Variants in SPMIP11 observed in about 807,000 individuals in gnomAD.
The protein encoded by SPMIP11 is sperm microtubule inner protein 11.
chr12:48,768,767 T>G, the SPMIP11 span: 1 of 1,600,830 alleles, frequency 6.2e-7, no homozygotes, highest in East Asian at 2.2e-5. Flanking sequence ...TCCTGCTGCA[T>G]TTGCAGGGGC....
the SPMIP11 span, among the ~76,000 whole-genome samples, chr12:48,753,224 G>C: frequency 6.6e-6 from 1 of 152,096 alleles, no homozygotes; most frequent in Non-Finnish European, 1.5e-5. Context: ...GCCTGTTCTT[G>C]TCTTGAGACA....
At chr12:48,760,778 C>T in the SPMIP11 span, among the ~76,000 whole-genome samples, 1 of 152,042 alleles carries the variant, frequency 6.6e-6, no homozygotes, top group Non-Finnish European at 1.5e-5. Context: ...CCATCTCCCT[C>T]GGCCTCCCAA....
chr12:48,741,005 GAGC>G, the SPMIP11 span, among the ~76,000 whole-genome samples: 1 of 151,576 alleles, frequency 6.6e-6, no homozygotes, highest in Non-Finnish European at 1.5e-5. Flanking sequence ...TGCATTTAGT[GAGC>G]GTGTCTCTTT....
At chr12:48,770,004 G>A in the SPMIP11 span, among the ~76,000 whole-genome samples, 1 of 150,840 alleles carries the variant, frequency 6.6e-6, no homozygotes, top group East Asian at 1.9e-4. Context: ...CTCGTGATCC[G>A]CCTGCCTCGG....
the SPMIP11 span, among the ~76,000 whole-genome samples, chr12:48,749,073 C>T: frequency 5.9e-5 from 9 of 151,874 alleles, no homozygotes; most frequent in East Asian, 1.8e-3. Context: ...ACCAACCTGA[C>T]CAACATGGTG....
chr12:48,762,499 C>T, the SPMIP11 span, among the ~76,000 whole-genome samples: 14 of 149,884 alleles, frequency 9.3e-5, no homozygotes. Context: ...TCCTAAGTAG[C>T]TGGGATTACA....
At chr12:48,768,797 G>A in the SPMIP11 span, 35 of 1,569,950 alleles carry the variant, frequency 2.2e-5, no homozygotes, top group Non-Finnish European at 3.0e-5. Context: ...CTCTAGTCAG[G>A]CTAGCTCCCT....
the SPMIP11 span, among the ~76,000 whole-genome samples, chr12:48,753,681 CTTTTTTTTTTCTTTTTTT>C: frequency 8.3e-6 from 1 of 120,892 alleles, no homozygotes; most frequent in Non-Finnish European, 1.7e-5. Flanking sequence ...CTTTTCTTTA[CTTTTTTTTTTCTTTTTTT>C]TTTTTTTTTT....
chr12:48,739,102 C>T, the SPMIP11 span, among the ~76,000 whole-genome samples: 1 of 152,016 alleles, frequency 6.6e-6, no homozygotes, highest in Non-Finnish European at 1.5e-5. Flanking sequence ...TGCATTGACT[C>T]TTTTTCCCTC....
At chr12:48,764,837 C>T in the SPMIP11 span, 6 of 702,468 alleles carry the variant, frequency 8.5e-6, no homozygotes, top group South Asian at 4.4e-5. Context: ...CTGCCCTTCC[C>T]CCCACCCATT....
chr12:48,763,681 CT>C, the SPMIP11 span, among the ~76,000 whole-genome samples: 4,819 of 137,330 alleles, frequency 0.035, 108 homozygotes, highest in African/African-American at 0.086. Context: ...AGTAAAAGTA[CT>C]TTTTTTTTTT....
chr12:48,741,886 G>A, the SPMIP11 span, among the ~76,000 whole-genome samples: 951 of 152,056 alleles, frequency 6.3e-3, 10 homozygotes, highest in African/African-American at 0.022. Context: ...CGATTCTCCC[G>A]CCCCAGCCTC....
chr12:48,745,124 A>G, the SPMIP11 span, among the ~76,000 whole-genome samples: 19 of 151,914 alleles, frequency 1.3e-4, no homozygotes, highest in African/African-American at 3.9e-4. Context: ...CAAAAAAATT[A>G]GCCAGGCTTG....
the SPMIP11 span, among the ~76,000 whole-genome samples, chr12:48,770,063 ATTTT>A: frequency 1.2e-4 from 14 of 112,888 alleles, no homozygotes; most frequent in African/African-American, 4.8e-4. Context: ...GCCCGGCCTA[ATTTT>A]TTTTTTTTTT....
the SPMIP11 span, among the ~76,000 whole-genome samples, chr12:48,745,277 CAA>C: frequency 6.8e-5 from 9 of 131,494 alleles, no homozygotes; most frequent in Non-Finnish European, 6.6e-5. Context: ...GACTCCATCT[CAA>C]AAAAAAAAAA....
the SPMIP11 span, among the ~76,000 whole-genome samples, chr12:48,739,571 G>A: frequency 3.9e-5 from 6 of 152,216 alleles, no homozygotes; most frequent in East Asian, 7.7e-4. Flanking sequence ...TGTACAGGAC[G>A]CATAGCCGGG....
chr12:48,739,734 A>G, the SPMIP11 span, among the ~76,000 whole-genome samples: 1,574 of 152,298 alleles, frequency 0.01, 23 homozygotes, highest in African/African-American at 0.037. Flanking sequence ...ACTCACTATC[A>G]CGAGAACAGC....
chr12:48,770,882 G>T, the SPMIP11 span: 3 of 1,614,236 alleles, frequency 1.9e-6, no homozygotes, highest in Non-Finnish European at 2.5e-6. Context: ...CTGATCGTAG[G>T]TGCTGGCGTT....
chr12:48,741,987 T>C, the SPMIP11 span, among the ~76,000 whole-genome samples: 1,863 of 152,306 alleles, frequency 0.012, 30 homozygotes, highest in African/African-American at 0.043. Flanking sequence ...TTAGTATCCA[T>C]TGATGGTTTT....
Sources: allele counts gnomAD v4.1 joint callset (sites outside exome capture counted in the v4.1 genomes callset), GRCh38; gene constraint gnomAD v4.1.1; transcripts MANE v1.5; gene names NCBI Gene and HGNC (gene_info 2026-07-23, HGNC 2026-07-21).